SMAD1: variants seen among roughly 807,000 people sequenced by gnomAD.
The protein encoded by SMAD1 is MAD, mothers against decapentaplegic homolog 1.
A neutral mutation model predicts 41.6 loss-of-function variants in SMAD1; 6 were observed. That is an observed-to-expected ratio of 0.14 (90% confidence interval 0.08 to 0.28). SMAD1 has a LOEUF of 0.28. Among genes scored for constraint, SMAD1 ranks in the 10% least tolerant of loss-of-function variants. The pLI, the probability that SMAD1 is intolerant of heterozygous loss-of-function variation, is 1.00. For missense variants in SMAD1, 379 were observed against 582.6 expected (o/e 0.65, Z 3.60); for synonymous variants, 206 against 203.2 (o/e 1.01, Z -0.12).
rs758115726 is a variant in SMAD1 at position 145,554,006 on chromosome 4, C to T, written c.1220C>T (p.Thr407Ile). ...NHGFETVYEL[T>I]KMCTIRMSFV... ...GGATTTGAGACAGTCTATGAGCTTA[C>T]AAAAATGTGTACTATACGTATGAGC... The change falls in exon 6 of 7, where the codon ACA becomes ATA. Residue 407 changes from threonine (T) to isoleucine (I), a missense_variant. Coordinates refer to ENST00000302085, the MANE Select transcript of SMAD1 (RefSeq NM_005900.3). 5 of 1,612,174 alleles carry T rather than the reference C, an allele frequency of 3.1e-6. No homozygotes were observed. The highest frequency in any genetic ancestry group is 4.2e-6 in the Non-Finnish European group (5 of 1,179,426).
intron 1 of SMAD1, among the ~76,000 whole-genome samples, chr4:145,484,155 G>A (rs1403992760): frequency 6.6e-6 from 1 of 152,080 alleles, no homozygotes; most frequent in African/African-American, 2.4e-5. Flanking sequence ...AAGTAGCTTG[G>A]GTATAGTAAT....
intron 5 of SMAD1, among the ~76,000 whole-genome samples, chr4:145,548,556 T>C (rs1224454253): frequency 1.3e-5 from 2 of 152,110 alleles, no homozygotes; most frequent in African/African-American, 4.8e-5. Flanking sequence ...TTTTACACCA[T>C]TGAAAAACAA....
chr4:145,542,750 A>T (rs768010005), intron 4 of SMAD1, 52 bp downstream of exon 4: 13 of 1,237,414 alleles, frequency 1.1e-5, no homozygotes, highest in East Asian at 4.7e-5. Flanking sequence ...GTTTGTCCAG[A>T]TGTTACTTTC....
intron 1 of SMAD1, among the ~76,000 whole-genome samples, chr4:145,511,452 TG>T (rs1730072658): frequency 1.3e-5 from 2 of 152,276 alleles, no homozygotes; most frequent in South Asian, 4.1e-4. Flanking sequence ...TTTTACTTTT[TG>T]TAGAGATAGG....
intron 1 of SMAD1, among the ~76,000 whole-genome samples, chr4:145,490,933 C>T (rs994673675): frequency 2.6e-5 from 4 of 152,014 alleles, no homozygotes; most frequent in Admixed American, 1.3e-4. Context: ...TTTCATTAAA[C>T]CAATATGTGC....
chr4:145,505,568 G>A (rs1192669162), intron 1 of SMAD1, among the ~76,000 whole-genome samples: 2 of 150,776 alleles, frequency 1.3e-5, no homozygotes, highest in East Asian at 3.9e-4. Flanking sequence ...GCAGTGAGCC[G>A]AGATCGCGCC....
At chr4:145,513,183 C>G (rs563452697) in intron 1 of SMAD1, 2 of 152,312 alleles carry the variant, frequency 1.3e-5, no homozygotes, top group African/African-American at 4.8e-5. Context: ...TTGGCAAATC[C>G]CTGGAAAGAG....
At chr4:145,539,698 C>T in intron 2 of SMAD1, 106 bp from the exon 3 acceptor site, 2 of 1,102,004 alleles carry the variant, frequency 1.8e-6, no homozygotes, top group Non-Finnish European at 2.6e-6. Context: ...GGACAGGGAT[C>T]AGATAATTTG....
At chr4:145,502,904 C>T (rs1729532744) in intron 1 of SMAD1, 1 of 152,210 alleles carries the variant, frequency 6.6e-6, no homozygotes, top group African/African-American at 2.4e-5. Flanking sequence ...CAAATTGCAT[C>T]TCTTGCTGGC....
chr4:145,482,257 T>C lies in SMAD1; in HGVS notation c.-177+219T>C, dbSNP rs1345593805. On this transcript the variant is annotated intron_variant, in intron 1 of 6. Coordinates refer to ENST00000302085, the MANE Select transcript of SMAD1 (RefSeq NM_005900.3). The surrounding 1 kb of genome is among the most constrained non-coding windows in gnomAD (Gnocchi z 4.2). ...CCCCATGATGGCGCCTCCCGTCTGC[T>C]CGGAGGAGCGAACCTGCTACCACGT... Among the ~76,000 whole-genome samples the C allele has an allele frequency of 7.0e-6, 1 of 142,306 alleles. No homozygotes were observed. Among genetic ancestry groups the C allele is most frequent in the East Asian group, 2.2e-4 (1 of 4,648 alleles). The allele number at this position is 142,306 out of a possible 152,430, so 93.4% of individuals were successfully genotyped here.
rs1006978877 is a variant in SMAD1, at chr4:145,499,393, C to T, written c.-176-15045C>T. ...ATCCCAACCCTTTGGGAGGCTGAAG[C>T]GGTGGATCACTTAGCCCAGAAGTTT... On this transcript the variant is annotated intron_variant, in intron 1 of 6. Coordinates refer to ENST00000302085, the MANE Select transcript of SMAD1 (RefSeq NM_005900.3). Among the ~76,000 whole-genome samples the T allele has an allele frequency of 4.1e-4, 63 of 152,140 alleles. 3 individuals are homozygous for T. The highest frequency in any genetic ancestry group is 7.2e-5 in the African/African-American group (3 of 41,436).
intron 2 of SMAD1, among the ~76,000 whole-genome samples, chr4:145,531,076 G>A (rs984961322): frequency 2.8e-4 from 43 of 152,324 alleles, no homozygotes; most frequent in Non-Finnish European, 3.5e-4. Flanking sequence ...TAGACCCTCC[G>A]TACTATCACC....
At chr4:145,548,817 T>C (rs962622309) in intron 5 of SMAD1, among the ~76,000 whole-genome samples, 1 of 152,208 alleles carries the variant, frequency 6.6e-6, no homozygotes, top group African/African-American at 2.4e-5. Flanking sequence ...AAGCATTAAC[T>C]AAACAGTGGA....
At chr4:145,550,560 GACAT>G (rs950963003) in intron 5 of SMAD1, among the ~76,000 whole-genome samples, 42 of 152,006 alleles carry the variant, frequency 2.8e-4, no homozygotes, top group African/African-American at 1.0e-3. Flanking sequence ...AATAAATACA[GACAT>G]ACATAAAATG....
chr4:145,490,679 A>C (rs1388850615), intron 1 of SMAD1, among the ~76,000 whole-genome samples: 1 of 152,236 alleles, frequency 6.6e-6, no homozygotes, highest in Non-Finnish European at 1.5e-5. Flanking sequence ...ATTGAGAAGC[A>C]GTAAGCAATG....
chr4:145,522,889 G>C (rs1730827843), intron 2 of SMAD1, among the ~76,000 whole-genome samples: 1 of 151,898 alleles, frequency 6.6e-6, no homozygotes, highest in Non-Finnish European at 1.5e-5. Flanking sequence ...CATATGGCCA[G>C]GCTGGTCTCG....
chr4:145,538,827 C>A (rs1203970392), intron 2 of SMAD1, among the ~76,000 whole-genome samples: 2 of 152,114 alleles, frequency 1.3e-5, no homozygotes, highest in Non-Finnish European at 2.9e-5. Flanking sequence ...TCTGGTGACC[C>A]TGGCAGGGAA....
chr4:145,556,297 A>G (rs1254889374), intron 6 of SMAD1, among the ~76,000 whole-genome samples: 3 of 152,110 alleles, frequency 2.0e-5, no homozygotes, highest in Non-Finnish European at 2.9e-5. Context: ...AGATCTTGCT[A>G]TCTGATGGAG....
intron 4 of SMAD1, chr4:145,546,445 T>G: frequency 4.2e-6 from 2 of 471,046 alleles, no homozygotes; most frequent in Non-Finnish European, 3.8e-6. Context: ...TTTGCTGTGC[T>G]TCCTTAGCTG....
Sources: gnomAD v4.1 joint callset for allele counts (sites outside exome capture counted in the v4.1 genomes callset) on GRCh38, gnomAD v4.1.1 for gene constraint, Gnocchi (gnomAD v3.1) non-coding constraint, MANE v1.5 for transcripts, NCBI Gene and HGNC (gene_info 2026-07-23, HGNC 2026-07-21) for gene names.